The following ATP8B4 variants were observed in gnomAD, a reference collection of about 807,000 sequenced individuals.
ATP8B4 encodes probable phospholipid-transporting ATPase IM.
A neutral mutation model predicts 145.6 loss-of-function variants in ATP8B4; 133 were observed. The ratio of observed to expected loss-of-function variants is 0.91; its 90% CI spans 0.79 to 1.05. The LOEUF (loss-of-function observed/expected upper bound fraction) is 1.05, where lower values mean the gene tolerates loss of function less well. ATP8B4 is among the 50% of genes least tolerant of loss of function. The pLI, the probability that ATP8B4 is intolerant of heterozygous loss-of-function variation, is 0.00. For synonymous variants in ATP8B4, 507 were observed against 492.9 expected (o/e 1.03, Z -0.38); for missense variants, 1,458 against 1,425.2 (o/e 1.02, Z -0.37).
chr15:50,159,479 A>C (rs913607879), intron 1 of ATP8B4, among the ~76,000 whole-genome samples: 2 of 152,056 alleles, frequency 1.3e-5, no homozygotes, highest in Non-Finnish European at 2.9e-5. Flanking sequence ...AATGTCCTTT[A>C]TTTCTTTCTC....
rs371909638 is a variant in ATP8B4, at chr15:50,164,753, G to A, written c.-43+17508C>T. Among the ~76,000 whole-genome samples, 23 of 152,306 alleles carry A rather than the reference G, an allele frequency of 1.5e-4. No homozygotes were observed. The South Asian group carries it at 2.5e-3, about 16-fold the overall frequency. On this transcript the variant is annotated intron_variant, in intron 1 of 3. Transcript: ENST00000558829. ...CTACATCACTTTAGCCCATGGTGAC[G>A]GGCTTCCAGAACTCAGACTCTGACC...
At chr15:50,155,580 T>C (rs551202490) in intron 1 of ATP8B4, among the ~76,000 whole-genome samples, 4 of 152,286 alleles carry the variant, frequency 2.6e-5, no homozygotes, top group African/African-American at 9.6e-5. Flanking sequence ...TTAATTAGTA[T>C]ATATTTTACA....
At chr15:50,159,591 A>G (rs916802076) in intron 1 of ATP8B4, among the ~76,000 whole-genome samples, 8 of 152,160 alleles carry the variant, frequency 5.3e-5, no homozygotes, top group Non-Finnish European at 7.4e-5. Context: ...AAAGGCTTTC[A>G]GTTTTTTCCC....
chr15:50,035,136 G>A (rs541467306), intron 6 of ATP8B4, among the ~76,000 whole-genome samples: 68 of 152,160 alleles, frequency 4.5e-4, no homozygotes, highest in African/African-American at 1.6e-3. Flanking sequence ...TGATTTGAAA[G>A]GAATAGATTA....
intron 6 of ATP8B4, among the ~76,000 whole-genome samples, chr15:50,029,907 G>T (rs2050306117): frequency 6.6e-6 from 1 of 152,158 alleles, no homozygotes; most frequent in Non-Finnish European, 1.5e-5. Flanking sequence ...ATGCATGGAA[G>T]AAATTAACCC....
intron 3 of ATP8B4, among the ~76,000 whole-genome samples, chr15:50,056,819 A>C (rs529473771): frequency 1.3e-5 from 2 of 151,984 alleles, no homozygotes; most frequent in Non-Finnish European, 2.9e-5. Context: ...GTATACACAC[A>C]TATAAATATT....
intron 9 of ATP8B4, among the ~76,000 whole-genome samples, chr15:49,995,310 G>A (rs1048318999): frequency 9.9e-5 from 15 of 152,250 alleles, no homozygotes; most frequent in African/African-American, 3.6e-4. Context: ...GGGCCTCCAT[G>A]AATATTCAAT....
intron 14 of ATP8B4, among the ~76,000 whole-genome samples, chr15:49,951,868 G>T (rs1464236868): frequency 6.6e-6 from 1 of 152,126 alleles, no homozygotes; most frequent in Non-Finnish European, 1.5e-5. Flanking sequence ...TCTTTCAGGA[G>T]CTCTTGCACA....
chr15:50,006,242 G>T lies in ATP8B4; in HGVS notation c.436-4019C>A, dbSNP rs549417617. ...GAGAAGGAAGGCTGAGAATAATAAT[G>T]GACATCATAAAATTTATTAACAGGC... On this transcript the variant is annotated intron_variant, in intron 7 of 27. Coordinates refer to ENST00000284509, the MANE Select transcript of ATP8B4 (RefSeq NM_024837.4). Among the ~76,000 whole-genome samples the T allele has an allele frequency of 9.4e-4, 142 of 150,854 alleles. 1 individual carries two copies. Among genetic ancestry groups the T allele is most frequent in the Non-Finnish European group, 1.3e-3 (86 of 67,766 alleles).
chr15:50,150,704 G>C (rs2044336837), intron 1 of ATP8B4, among the ~76,000 whole-genome samples: 2 of 152,178 alleles, frequency 1.3e-5, no homozygotes, highest in Admixed American at 1.3e-4. Flanking sequence ...TTCTAGGCCA[G>C]CATTATTCTG....
intron 3 of ATP8B4, among the ~76,000 whole-genome samples, chr15:50,071,995 A>T (rs1040242505): frequency 6.6e-6 from 1 of 151,556 alleles, no homozygotes; most frequent in African/African-American, 2.4e-5. Flanking sequence ...AAAAAAGAGA[A>T]ATTTAAGCTA....
chr15:50,097,054 G>A (rs936974833), intron 2 of ATP8B4, among the ~76,000 whole-genome samples: 2 of 152,138 alleles, frequency 1.3e-5, no homozygotes, highest in African/African-American at 4.8e-5. Context: ...TATTATGGTA[G>A]ATGAAATGCA....
At chr15:49,989,316 T>C (rs904416257) in intron 9 of ATP8B4, among the ~76,000 whole-genome samples, 1 of 152,124 alleles carries the variant, frequency 6.6e-6, no homozygotes. Flanking sequence ...TTGAATTGGC[T>C]ATCACCAGCA....
intron 2 of ATP8B4, among the ~76,000 whole-genome samples, chr15:50,097,182 A>G (rs1019847201): frequency 4.6e-5 from 7 of 152,344 alleles, no homozygotes; most frequent in Non-Finnish European, 7.3e-5. Flanking sequence ...CTCTTTAAAC[A>G]TATAAATTAA....
chr15:50,054,816 A>C (rs113292204), intron 3 of ATP8B4, among the ~76,000 whole-genome samples: 5 of 150,186 alleles, frequency 3.3e-5, no homozygotes, highest in East Asian at 1.9e-4. Flanking sequence ...AAAACAAAAA[A>C]AAAAAAACAC....
chr15:50,100,389 T>C (rs768219657), intron 2 of ATP8B4, among the ~76,000 whole-genome samples: 2 of 152,230 alleles, frequency 1.3e-5, no homozygotes, highest in African/African-American at 2.4e-5. Context: ...ATACCACTTA[T>C]AGTGATGTTT....
At chr15:50,073,924 A>G (rs913563108) in intron 3 of ATP8B4, among the ~76,000 whole-genome samples, 3 of 152,054 alleles carry the variant, frequency 2.0e-5, no homozygotes, top group Non-Finnish European at 4.4e-5. Context: ...GACAATAAGC[A>G]TACCAACTAC....
Position 50,107,000 on chromosome 15 carries a change from G to C in ATP8B4, c.-34C>G, listed in dbSNP as rs1359862436. 6.5e-7 allele frequency: 1 copy of C among 1,545,812 alleles called. No homozygotes were observed. On this transcript the variant is annotated 5_prime_UTR_variant, in exon 2 of 28. Transcript: ENST00000284509. ...CTGATCTTTCACCAGGTCTCAACAG[G>C]TGGCCTACCTAAGAAAAAGAAGTAT...
chr15:50,057,501 T>C (rs1567279733), intron 3 of ATP8B4, among the ~76,000 whole-genome samples: 1 of 152,228 alleles, frequency 6.6e-6, no homozygotes, highest in African/African-American at 2.4e-5. Context: ...TTCACTCTGG[T>C]GAAGAACAGA....
Sources: gnomAD v4.1 joint callset for allele counts (sites outside exome capture counted in the v4.1 genomes callset) on GRCh38, gnomAD v4.1.1 for gene constraint, MANE v1.5 for transcripts, NCBI Gene and HGNC (gene_info 2026-07-23, HGNC 2026-07-21) for gene names.